Variants in CAPZA2 observed in about 807,000 individuals in gnomAD.
CAPZA2 encodes F-actin-capping protein subunit alpha-2.
A neutral mutation model predicts 44.0 loss-of-function variants in CAPZA2; 13 were observed. The ratio of observed to expected loss-of-function variants is 0.30; its 90% confidence interval spans 0.19 to 0.47. CAPZA2 has a LOEUF of 0.47. CAPZA2 is among the 20% of genes least tolerant of loss of function. The pLI, the probability that CAPZA2 is intolerant of heterozygous loss-of-function variation, is 1.00. For synonymous variants in CAPZA2, 94 were observed against 108.2 expected (o/e 0.87, Z 0.81); for missense variants, 244 against 338.6 (o/e 0.72, Z 2.19).
At position 116,869,906 on chromosome 7, in the gene CAPZA2, G is replaced by C. The variant is rs560542036; in HGVS notation, c.39+7256G>C. ...TTTTTTTGAGACGGAGTGTTACTCTGTCACCTAGGCTTGAGTGCAGTGGCA... is the reference window on the plus strand; with the variant it reads ...TTTTTTTGAGACGGAGTGTTACTCTCTCACCTAGGCTTGAGTGCAGTGGCA... On this transcript the variant is annotated intron_variant, in intron 1 of 9. Coordinates refer to ENST00000361183, the MANE Select transcript of CAPZA2 (RefSeq NM_006136.3). Among the ~76,000 whole-genome samples, 10 of 152,220 alleles carry C rather than the reference G, an allele frequency of 6.6e-5. No homozygotes were observed. The East Asian group carries it at 1.4e-3, about 21-fold the overall frequency.
intron 1 of CAPZA2, among the ~76,000 whole-genome samples, chr7:116,865,494 G>A (rs1488060675): frequency 2.0e-5 from 3 of 151,964 alleles, no homozygotes; most frequent in African/African-American, 7.2e-5. Context: ...CAGACATTAT[G>A]CTTTCTTAAA....
rs778329984 is a variant in CAPZA2 at position 116,919,181 on chromosome 7, A to G, written c.*1314A>G. ...AATTGTATAGATTTTTAAAAATTCA[A>G]TGAAAGCATGTTGTTTAATTTCTTT... is the stretch of plus-strand genomic sequence containing the variant. On this transcript the variant is annotated 3_prime_UTR_variant, in exon 10 of 10. Coordinates refer to ENST00000361183, the MANE Select transcript of CAPZA2 (RefSeq NM_006136.3). 8 of 152,442 alleles carry G rather than the reference A, an allele frequency of 5.2e-5. No individual in the cohort carries two copies. Among genetic ancestry groups the G allele is most frequent in the East Asian group, 3.8e-4 (2 of 5,198 alleles). The allele number at this position is 152,442 out of a possible 1,614,324, so 9.4% of individuals were successfully genotyped here.
intron 8 of CAPZA2, 45 bp downstream of exon 8, chr7:116,912,185 A>G: frequency 1.2e-6 from 2 of 1,603,054 alleles, no homozygotes; most frequent in South Asian, 2.2e-5. Flanking sequence ...ATACTTCTGT[A>G]AAACCAGAAC....
intron 1 of CAPZA2, among the ~76,000 whole-genome samples, chr7:116,876,776 T>G (rs1796627989): frequency 6.6e-6 from 1 of 152,194 alleles, no homozygotes; most frequent in Non-Finnish European, 1.5e-5. Context: ...ACTGGACAGA[T>G]GAGATTGACA....
intron 1 of CAPZA2, among the ~76,000 whole-genome samples, chr7:116,867,347 C>G (rs1345948178): frequency 6.6e-6 from 1 of 152,162 alleles, no homozygotes; most frequent in Admixed American, 6.6e-5. Flanking sequence ...AGACTAATCC[C>G]TCCTGTTTCC....
At chr7:116,872,352 A>G (rs1043986152) in intron 1 of CAPZA2, among the ~76,000 whole-genome samples, 2 of 152,192 alleles carry the variant, frequency 1.3e-5, no homozygotes, top group Non-Finnish European at 2.9e-5. Context: ...CTTTGGATTC[A>G]TGGGTTTCTT....
chr7:116,901,879 A>C (rs1285973687), intron 4 of CAPZA2, among the ~76,000 whole-genome samples: 1 of 68,222 alleles, frequency 1.5e-5, no homozygotes, highest in Non-Finnish European at 3.1e-5. Flanking sequence ...AATAACGAAG[A>C]AATGTGTGTG....
chr7:116,868,129 T>A (rs1188435926), intron 1 of CAPZA2, among the ~76,000 whole-genome samples: 1 of 152,220 alleles, frequency 6.6e-6, no homozygotes, highest in Non-Finnish European at 1.5e-5. Flanking sequence ...ATCTCAGTCA[T>A]CTCTCAAGAT....
chr7:116,906,194 A>G (rs929833216), intron 5 of CAPZA2, 69 bp from the exon 6 acceptor site: 3 of 1,568,758 alleles, frequency 1.9e-6, no homozygotes, highest in African/African-American at 2.8e-5. Flanking sequence ...GCAGTATTTT[A>G]TAGATTTTTA....
intron 1 of CAPZA2, among the ~76,000 whole-genome samples, chr7:116,885,256 T>TG (rs1796748009): frequency 6.6e-6 from 1 of 151,830 alleles, no homozygotes; most frequent in African/African-American, 2.4e-5. Flanking sequence ...CTAGTTTTTT[T>TG]TTTGTTGTTG....
At chr7:116,888,002 T>G in intron 1 of CAPZA2, 125 bp from the exon 2 acceptor site, 1 of 637,092 alleles carries the variant, frequency 1.6e-6, no homozygotes, top group Non-Finnish European at 2.8e-6. Context: ...TGAAAAAGTA[T>G]CACTGTATTT....
At chr7:116,875,173 T>G (rs1434530641) in intron 1 of CAPZA2, 1 of 152,088 alleles carries the variant, frequency 6.6e-6, no homozygotes, top group Non-Finnish European at 1.5e-5. Context: ...TTGCCTGAAC[T>G]GTTTATGACT....
At chr7:116,886,882 A>C (rs923423894) in intron 1 of CAPZA2, among the ~76,000 whole-genome samples, 11 of 152,214 alleles carry the variant, frequency 7.2e-5, no homozygotes, top group Admixed American at 3.3e-4. Flanking sequence ...TATGTTGGGC[A>C]CATCATCTAC....
chr7:116,872,214 C>A (rs1796562346), intron 1 of CAPZA2, among the ~76,000 whole-genome samples: 1 of 151,196 alleles, frequency 6.6e-6, no homozygotes, highest in African/African-American at 2.4e-5. Context: ...TTTAAGAATA[C>A]TTTTTTTTTG....
chr7:116,895,263 G>C (rs1429642927), intron 3 of CAPZA2, among the ~76,000 whole-genome samples: 2 of 151,896 alleles, frequency 1.3e-5, no homozygotes, highest in Non-Finnish European at 2.9e-5. Context: ...GTAAGTCAGA[G>C]TACTATTCAT....
rs1262511385 is a variant in CAPZA2 at position 116,918,527 on chromosome 7, C to CT, written c.*667dup. ...ACTTATTTCAGAAATGCATTTAATG[C>CT]TTTTTTTCTTGTGACAGTTACGCAA... On this transcript the variant is annotated 3_prime_UTR_variant, in exon 10 of 10. Transcript: ENST00000361183. 6.6e-6 allele frequency: 1 copy of CT among 152,498 alleles called. No homozygotes were observed. The highest frequency in any genetic ancestry group is 1.5e-5 in the Non-Finnish European group (1 of 68,010). The allele number at this position is 152,498 out of a possible 1,614,324, so 9.4% of individuals were successfully genotyped here. A position where few individuals can be genotyped will look rare whatever the true frequency, so the allele number is the denominator to read the frequency against.
chr7:116,894,847 CTAA>C (rs754337851), intron 3 of CAPZA2, among the ~76,000 whole-genome samples: 15 of 152,092 alleles, frequency 9.9e-5, no homozygotes, highest in Non-Finnish European at 1.8e-4. Context: ...CTTTTTAGGG[CTAA>C]TAATATTCTG....
intron 3 of CAPZA2, among the ~76,000 whole-genome samples, chr7:116,896,724 T>A (rs1796933634): frequency 6.6e-6 from 1 of 152,150 alleles, no homozygotes; most frequent in Non-Finnish European, 1.5e-5. Context: ...ACATTGTTTT[T>A]ACCGTGTCTA....
chr7:116,869,595 A>G (rs1221102379), intron 1 of CAPZA2, among the ~76,000 whole-genome samples: 1 of 152,228 alleles, frequency 6.6e-6, no homozygotes, highest in Non-Finnish European at 1.5e-5. Context: ...TTAGTGGTAC[A>G]TAAAGTTATG....
Sources: allele counts gnomAD v4.1 joint callset (sites outside exome capture counted in the v4.1 genomes callset), GRCh38; gene constraint gnomAD v4.1.1; transcripts MANE v1.5; gene names NCBI Gene and HGNC (gene_info 2026-07-23, HGNC 2026-07-21).